Variants in FMN2 observed in about 807,000 individuals in gnomAD.
FMN2 encodes formin 2.
Under a neutral mutation model 142.3 loss-of-function variants are expected in FMN2, and 51 were observed. That is an observed-to-expected ratio of 0.36 (90% confidence interval 0.29 to 0.45). The LOEUF is 0.45. FMN2 is among the 20% of genes least tolerant of loss of function. The pLI, the probability that FMN2 is intolerant of heterozygous loss-of-function variation, is 1.00. For synonymous variants in FMN2, 882 were observed against 869.8 expected (o/e 1.01, Z -0.25); for missense variants, 1,936 against 2,122.8 (o/e 0.91, Z 1.73).
chr1:240,172,527 A>G (rs61830689), intron 2 of FMN2, among the ~76,000 whole-genome samples: 13,296 of 152,156 alleles, frequency 0.087, 725 homozygotes, highest in African/African-American at 0.16. Flanking sequence ...ATCACCATGT[A>G]ATTTTCATAG....
chr1:240,419,418 A>G (rs1170212790), intron 15 of FMN2, among the ~76,000 whole-genome samples: 2 of 152,030 alleles, frequency 1.3e-5, no homozygotes, highest in African/African-American at 4.8e-5. Flanking sequence ...TTATGGGCAA[A>G]AAAAAAAGTG....
intron 8 of FMN2, among the ~76,000 whole-genome samples, chr1:240,306,013 G>GCA (rs1670381882): frequency 6.7e-6 from 1 of 149,810 alleles, no homozygotes; most frequent in Non-Finnish European, 1.5e-5. Context: ...GCGGTGACGT[G>GCA]ATCTCGGCTC....
intron 3 of FMN2, among the ~76,000 whole-genome samples, chr1:240,179,926 A>G (rs562305582): frequency 6.6e-6 from 1 of 152,284 alleles, no homozygotes; most frequent in African/African-American, 2.4e-5. Context: ...AATTTTAGGG[A>G]ACTTTATAAA....
chr1:240,216,279 A>G (rs115079925), intron 6 of FMN2, among the ~76,000 whole-genome samples: 7 of 152,346 alleles, frequency 4.6e-5, no homozygotes, highest in African/African-American at 1.7e-4. Flanking sequence ...GCCATAGGTA[A>G]ATAATGTCTA....
rs199730080 is a variant in FMN2, at chr1:240,188,242, C to T, written c.1966C>T (p.Arg656Cys). ...QSAVSETPQK[R>C]SDAVQKEVVD... Reference sequence around the variant, plus strand: ...TGCTGTTTCAGAAACTCCCCAAAAACGCTCAGATGCTGTCCAGAAGGTAAG... The same window carrying T: ...TGCTGTTTCAGAAACTCCCCAAAAATGCTCAGATGCTGTCCAGAAGGTAAG... The change falls in exon 4 of 18, where the codon CGC becomes TGC. Residue 656 changes from arginine to cysteine, a missense_variant. Around this residue, in one of 8 missense-constraint regions of FMN2, gnomAD observed 478 missense variants for 462.8 expected, o/e 1.03. Transcript: ENST00000319653. 211 of 1,613,848 alleles carry T rather than the reference C, an allele frequency of 1.3e-4. 1 individual carries two copies. The highest frequency in any genetic ancestry group is 8.2e-4 in the East Asian group (37 of 44,864).
intron 16 of FMN2, among the ~76,000 whole-genome samples, chr1:240,456,256 G>C (rs1398014761): frequency 1.3e-5 from 2 of 152,030 alleles, no homozygotes; most frequent in African/African-American, 4.8e-5. Flanking sequence ...TCATATTTTT[G>C]TGGCAAATTT....
intron 2 of FMN2, among the ~76,000 whole-genome samples, chr1:240,172,426 T>C (rs1048530175): frequency 1.3e-5 from 2 of 152,204 alleles, no homozygotes; most frequent in African/African-American, 4.8e-5. Flanking sequence ...TGAAAAGGAT[T>C]TTTTTAAAGA....
At chr1:240,286,333 A>G (rs1669589304) in intron 7 of FMN2, among the ~76,000 whole-genome samples, 1 of 152,128 alleles carries the variant, frequency 6.6e-6, no homozygotes, top group Non-Finnish European at 1.5e-5. Flanking sequence ...ACTTAGATTT[A>G]ATTTCTCAAG....
intron 5 of FMN2, among the ~76,000 whole-genome samples, chr1:240,209,672 A>G (rs185086009): frequency 0.01 from 1,553 of 150,628 alleles, 28 homozygotes; most frequent in African/African-American, 0.036. Context: ...TGGGAGGCCG[A>G]GGCGGGTGGA....
intron 14 of FMN2, among the ~76,000 whole-genome samples, chr1:240,383,096 A>G (rs1339732124): frequency 6.6e-6 from 1 of 152,184 alleles, no homozygotes; most frequent in Non-Finnish European, 1.5e-5. Context: ...GTCTCTCACC[A>G]TATACAAAAT....
chr1:240,445,214 T>C (rs10754703), intron 16 of FMN2, among the ~76,000 whole-genome samples: 113,499 of 152,132 alleles, frequency 0.75, 42,399 homozygotes, highest in Admixed American at 0.82. Flanking sequence ...CATTCAACAA[T>C]TTTTTATGAT....
chr1:240,429,615 A>G (rs1675070343), intron 15 of FMN2, among the ~76,000 whole-genome samples: 2 of 152,352 alleles, frequency 1.3e-5, no homozygotes, highest in South Asian at 4.1e-4. Context: ...TGTTCTGATT[A>G]GTCAACATAG....
intron 3 of FMN2, among the ~76,000 whole-genome samples, chr1:240,182,014 C>A (rs1359469200): frequency 6.6e-6 from 1 of 152,158 alleles, no homozygotes; most frequent in East Asian, 1.9e-4. Context: ...GACTTTCTGG[C>A]ACATAGTATG....
intron 3 of FMN2, among the ~76,000 whole-genome samples, chr1:240,178,767 TC>T (rs1273620728): frequency 6.6e-6 from 1 of 152,154 alleles, no homozygotes; most frequent in Non-Finnish European, 1.5e-5. Context: ...ATTCCCAACT[TC>T]CTCCTGGTGG....
At chr1:240,147,347 C>G (rs1355134036) in intron 2 of FMN2, among the ~76,000 whole-genome samples, 1 of 152,138 alleles carries the variant, frequency 6.6e-6, no homozygotes, top group African/African-American at 2.4e-5. Context: ...CCTCCATAGC[C>G]AATCTGTTGG....
At chr1:240,122,015 G>T (rs890064044) in intron 1 of FMN2, among the ~76,000 whole-genome samples, 1 of 151,586 alleles carries the variant, frequency 6.6e-6, no homozygotes, top group Non-Finnish European at 1.5e-5. Flanking sequence ...TGCTTCCTTC[G>T]AGAACCATCT....
intron 6 of FMN2, among the ~76,000 whole-genome samples, chr1:240,218,548 C>T (rs1278641969): frequency 7.1e-6 from 1 of 141,754 alleles, no homozygotes; most frequent in Non-Finnish European, 1.5e-5. Flanking sequence ...CATAGTGAGA[C>T]CCCATCTCAT....
In FMN2 at chr1:240,271,607, T is replaced by TAAG; in HGVS notation, c.4153+13575_4153+13576insAAG. On this transcript the variant is annotated intron_variant, in intron 7 of 17. Coordinates refer to ENST00000319653, the MANE Select transcript of FMN2 (RefSeq NM_020066.5). ...TGCTGTTGGGAGGTTTAGTGAATGG[T>TAAG]TTTCATTGAAATGTAAAGTCATTGA... Among the ~76,000 whole-genome samples, 4 of 152,092 alleles carry TAAG rather than the reference T, an allele frequency of 2.6e-5. No individual in the cohort carries two copies. In the East Asian group the frequency reaches 7.8e-4, roughly 29 times the overall value.
chr1:240,450,780 T>C (rs918541478), intron 16 of FMN2, among the ~76,000 whole-genome samples: 11 of 152,246 alleles, frequency 7.2e-5, no homozygotes, highest in Non-Finnish European at 1.2e-4. Flanking sequence ...TGCTGAGCTA[T>C]ATAAAGTTCT....
Sources: gnomAD v4.1 joint callset for allele counts (sites outside exome capture counted in the v4.1 genomes callset) on GRCh38, gnomAD v4.1.1 for gene constraint, gnomAD v4.1.1 regional missense constraint, MANE v1.5 for transcripts, NCBI Gene and HGNC (gene_info 2026-07-23, HGNC 2026-07-21) for gene names.